The following RIMS1 variants were observed in gnomAD, a reference collection of about 807,000 sequenced individuals.
RIMS1 encodes regulating synaptic membrane exocytosis protein 1.
Under a neutral mutation model 214.1 loss-of-function variants are expected in RIMS1, and 83 were observed. That is an observed-to-expected ratio of 0.39 (90% CI 0.32 to 0.47). The LOEUF is 0.47. Ranked by LOEUF, RIMS1 falls within the 20% of genes least tolerant of loss-of-function variation. RIMS1 has a pLI of 0.99. For synonymous variants in RIMS1, 793 were observed against 786.8 expected, an observed-to-expected ratio of 1.01 and a Z score of -0.13; for missense variants, 2,050 against 2,161.8, an observed-to-expected ratio of 0.95 and a Z score of 1.03.
At chr6:72,201,296 G>C (rs539414998) in intron 6 of RIMS1, among the ~76,000 whole-genome samples, 3 of 152,238 alleles carry the variant, frequency 2.0e-5, no homozygotes, top group Non-Finnish European at 4.4e-5. Flanking sequence ...CTTTTAAAAA[G>C]ATGTGTAACT....
intron 2 of RIMS1, among the ~76,000 whole-genome samples, chr6:71,995,292 T>C (rs1350968456): frequency 1.3e-5 from 2 of 152,212 alleles, no homozygotes; most frequent in East Asian, 3.8e-4. Context: ...TTCCAAATGT[T>C]AAGCTAGTTC....
At chr6:72,116,457 C>A (rs2037098654) in intron 4 of RIMS1, among the ~76,000 whole-genome samples, 1 of 151,988 alleles carries the variant, frequency 6.6e-6, no homozygotes, top group Non-Finnish European at 1.5e-5. Context: ...TGTACTGTTT[C>A]ATATAAATGT....
chr6:72,025,227 C>G (rs987289501), intron 2 of RIMS1, among the ~76,000 whole-genome samples: 1 of 152,004 alleles, frequency 6.6e-6, no homozygotes, highest in African/African-American at 2.4e-5. Context: ...TTTTTTGCCA[C>G]GTGCTCCTTA....
At position 72,111,008 on chromosome 6, in the gene RIMS1, G is replaced by C. The variant is rs548505736; in HGVS notation, c.471+11022G>C. 2.6e-5 allele frequency among the ~76,000 whole-genome samples: 4 copies of C among 152,302 alleles called. No homozygotes were observed. The East Asian group carries it at 7.7e-4, about 29-fold the overall frequency. ...AAGAAATTGTATATTAGCACTTCTT[G>C]TGTTTCCACCTCAAAACTATTCTTT... is the stretch of plus-strand genomic sequence containing the variant. On this transcript the variant is annotated intron_variant, in intron 4 of 33. Transcript: ENST00000521978.
At chr6:72,392,833 A>C (rs1430877158) in intron 31 of RIMS1, 23 bp downstream of exon 31, 1 of 1,465,762 alleles carries the variant, frequency 6.8e-7, no homozygotes, top group Non-Finnish European at 9.5e-7. Context: ...TTTTTTTTCT[A>C]CAAGAAAATT....
At chr6:71,979,310 G>A (rs1336783544) in intron 2 of RIMS1, among the ~76,000 whole-genome samples, 1 of 151,962 alleles carries the variant, frequency 6.6e-6, no homozygotes, top group East Asian at 1.9e-4. Context: ...GCCACATGAT[G>A]TGGCAACAGC....
intron 2 of RIMS1, among the ~76,000 whole-genome samples, chr6:72,050,153 G>A (rs1052571961): frequency 5.9e-5 from 9 of 152,172 alleles, no homozygotes; most frequent in Admixed American, 2.6e-4. Context: ...TGGGCTGAGC[G>A]GAGGATGATC....
At chr6:72,267,053 C>A (rs2080937234) in intron 22 of RIMS1, among the ~76,000 whole-genome samples, 1 of 151,912 alleles carries the variant, frequency 6.6e-6, no homozygotes, top group Non-Finnish European at 1.5e-5. Context: ...TGTTTTAGTG[C>A]CTTAAGAATT....
intron 2 of RIMS1, among the ~76,000 whole-genome samples, chr6:72,047,873 T>C (rs1823496754): frequency 6.6e-6 from 1 of 152,316 alleles, no homozygotes; most frequent in East Asian, 1.9e-4. Context: ...ACCAAAATCT[T>C]TGGGTTTATT....
At chr6:72,136,639 A>G (rs1282958663) in intron 4 of RIMS1, among the ~76,000 whole-genome samples, 1 of 152,136 alleles carries the variant, frequency 6.6e-6, no homozygotes, top group Admixed American at 6.5e-5. Flanking sequence ...TCTTTCTAAA[A>G]TAATCACTCC....
chr6:72,291,614 T>C (rs932416146), intron 25 of RIMS1, among the ~76,000 whole-genome samples: 1 of 152,146 alleles, frequency 6.6e-6, no homozygotes, highest in African/African-American at 2.4e-5. Flanking sequence ...TTAGATGTAT[T>C]TGGTTCAGTA....
intron 2 of RIMS1, among the ~76,000 whole-genome samples, chr6:72,024,857 T>C (rs991473226): frequency 1.3e-5 from 2 of 150,330 alleles, no homozygotes. Flanking sequence ...AAATAATATA[T>C]AGTAGAGCAG....
intron 29 of RIMS1, among the ~76,000 whole-genome samples, chr6:72,364,406 A>G (rs1401317390): frequency 6.6e-6 from 1 of 152,204 alleles, no homozygotes; most frequent in South Asian, 2.1e-4. Context: ...GCTGTACTCT[A>G]TGTGCAGTCC....
chr6:72,270,091 T>G (rs965038421), intron 22 of RIMS1, among the ~76,000 whole-genome samples: 11 of 152,312 alleles, frequency 7.2e-5, no homozygotes, highest in African/African-American at 2.6e-4. Flanking sequence ...TCCACTATAT[T>G]GTGATATTCT....
At chr6:72,352,979 T>C (rs1436450945) in intron 29 of RIMS1, among the ~76,000 whole-genome samples, 1 of 128,656 alleles carries the variant, frequency 7.8e-6, no homozygotes, top group Non-Finnish European at 1.8e-5. Flanking sequence ...TTACATTCTT[T>C]TTTCTTTTTT....
intron 29 of RIMS1, among the ~76,000 whole-genome samples, chr6:72,378,158 G>C (rs1251366699): frequency 6.6e-6 from 1 of 152,128 alleles, no homozygotes; most frequent in Non-Finnish European, 1.5e-5. Flanking sequence ...GGCTTCTTTA[G>C]TGATAACTAA....
rs542668097 is a variant in RIMS1, at chr6:71,931,698, T to G, written c.165-37285T>G. On this transcript the variant is annotated intron_variant, in intron 1 of 33. Transcript: ENST00000521978. ...AAATTTTCTCCCATTCTGTAGTTTG[T>G]CTGTTTACTCTATTGATAGTTTCTT... Among the ~76,000 whole-genome samples, 6 of 152,204 alleles carry G rather than the reference T, an allele frequency of 3.9e-5. No homozygotes were observed. The East Asian group carries it at 1.2e-3, about 29-fold the overall frequency.
chr6:72,377,168 C>T (rs1004069159), intron 29 of RIMS1, among the ~76,000 whole-genome samples: 6 of 152,140 alleles, frequency 3.9e-5, no homozygotes, highest in African/African-American at 1.4e-4. Context: ...TTGGCTTACC[C>T]CACCTCCTGC....
At chr6:72,041,189 G>C (rs1006404479) in intron 2 of RIMS1, among the ~76,000 whole-genome samples, 2 of 151,816 alleles carry the variant, frequency 1.3e-5, no homozygotes, top group Admixed American at 1.3e-4. Flanking sequence ...AGTTCTTTCT[G>C]TCTATCTGTC....
Sources: gnomAD v4.1 joint callset for allele counts (sites outside exome capture counted in the v4.1 genomes callset) on GRCh38, gnomAD v4.1.1 for gene constraint, MANE v1.5 for transcripts, NCBI Gene and HGNC (gene_info 2026-07-23, HGNC 2026-07-21) for gene names.